NKAIN2: variants seen among roughly 807,000 people sequenced by gnomAD.
NKAIN2 encodes sodium/potassium-transporting ATPase subunit beta-1-interacting protein 2.
In NKAIN2, 14 loss-of-function variants were observed where a neutral mutation model predicts 32.6. The ratio of observed to expected loss-of-function variants is 0.43; its 90% CI spans 0.28 to 0.67. The LOEUF (loss-of-function observed/expected upper bound fraction) is 0.67. Ranked by LOEUF, NKAIN2 falls within the 30% of genes least tolerant of loss-of-function variation. The pLI, the probability that NKAIN2 is intolerant of heterozygous loss-of-function variation, is 0.17. For synonymous variants in NKAIN2, 80 were observed against 87.2 expected (o/e 0.92, Z 0.46); for missense variants, 198 against 258.3 (o/e 0.77, Z 1.60).
At chr6:124,689,214 T>G (rs373267060) in intron 4 of NKAIN2, among the ~76,000 whole-genome samples, 2 of 151,982 alleles carry the variant, frequency 1.3e-5, no homozygotes, top group South Asian at 4.1e-4. Context: ...TCAGCCTACA[T>G]CTCCCTGATG....
chr6:124,554,243 C>T (rs551652894), intron 3 of NKAIN2, among the ~76,000 whole-genome samples: 48 of 152,226 alleles, frequency 3.2e-4, no homozygotes, highest in Non-Finnish European at 5.1e-4. Flanking sequence ...GGCAGACACA[C>T]TGAGAATCAA....
chr6:124,129,431 T>A (rs1457046099), intron 1 of NKAIN2, among the ~76,000 whole-genome samples: 1 of 152,172 alleles, frequency 6.6e-6, no homozygotes, highest in Admixed American at 6.5e-5. Context: ...TTTGAAAACA[T>A]TAAATGCAAA....
chr6:124,305,031 T>G (rs1211574827), intron 2 of NKAIN2, among the ~76,000 whole-genome samples: 4 of 152,018 alleles, frequency 2.6e-5, no homozygotes, highest in African/African-American at 9.7e-5. Flanking sequence ...GAATCCGAGA[T>G]GATGAAGGAT....
At chr6:124,664,041 G>A (rs1479957930) in intron 4 of NKAIN2, among the ~76,000 whole-genome samples, 1 of 152,108 alleles carries the variant, frequency 6.6e-6, no homozygotes, top group African/African-American at 2.4e-5. Flanking sequence ...TTGGGAGGCT[G>A]AGGAGGGTGG....
chr6:124,459,985 T>C (rs1776470036), intron 3 of NKAIN2, among the ~76,000 whole-genome samples: 2 of 151,902 alleles, frequency 1.3e-5, no homozygotes, highest in African/African-American at 2.4e-5. Flanking sequence ...ATTGGATTCA[T>C]GTTTCTTAAT....
chr6:124,439,379 G>T (rs781055942), intron 3 of NKAIN2, among the ~76,000 whole-genome samples: 1 of 150,262 alleles, frequency 6.7e-6, no homozygotes. Flanking sequence ...TTATCTCCAT[G>T]AAACACTCTC....
chr6:123,853,803 A>G (rs752964841), intron 1 of NKAIN2, among the ~76,000 whole-genome samples: 1 of 149,560 alleles, frequency 6.7e-6, no homozygotes, highest in Non-Finnish European at 1.5e-5. Context: ...ATAGAATTTC[A>G]CTCTTGTTGC....
intron 2 of NKAIN2, among the ~76,000 whole-genome samples, chr6:124,330,511 C>A (rs1214629402): frequency 6.6e-6 from 1 of 152,158 alleles, no homozygotes; most frequent in Non-Finnish European, 1.5e-5. Flanking sequence ...CTTGTACCTC[C>A]ACATCAACCA....
chr6:123,833,679 T>G (rs2114918565), intron 1 of NKAIN2, among the ~76,000 whole-genome samples: 1 of 146,476 alleles, frequency 6.8e-6, no homozygotes, highest in African/African-American at 2.6e-5. Context: ...AAGCAAAAGG[T>G]AATTTTTTTT....
At chr6:124,740,140 T>A (rs1405546186) in intron 4 of NKAIN2, among the ~76,000 whole-genome samples, 1 of 151,774 alleles carries the variant, frequency 6.6e-6, no homozygotes, top group Non-Finnish European at 1.5e-5. Context: ...TTTTTTTTTT[T>A]CTTTCCATCA....
At chr6:124,563,996 T>G (rs1780803832) in intron 3 of NKAIN2, among the ~76,000 whole-genome samples, 1 of 152,132 alleles carries the variant, frequency 6.6e-6, no homozygotes. Context: ...GGGTGGAGAC[T>G]TTAGCATGGT....
chr6:123,916,769 TTATCTATG>T (rs1018177892), intron 1 of NKAIN2, among the ~76,000 whole-genome samples: 7 of 151,490 alleles, frequency 4.6e-5, no homozygotes, highest in South Asian at 2.1e-4. Flanking sequence ...TGTATCTATC[TTATCTATG>T]TATCTATGTA....
At chr6:124,040,310 C>A (rs1384077534) in intron 1 of NKAIN2, among the ~76,000 whole-genome samples, 1 of 151,602 alleles carries the variant, frequency 6.6e-6, no homozygotes, top group Non-Finnish European at 1.5e-5. Flanking sequence ...TTGTGTCTTT[C>A]TTCTGTTTTC....
chr6:123,880,930 G>C (rs549162979), intron 1 of NKAIN2, among the ~76,000 whole-genome samples: 1 of 152,278 alleles, frequency 6.6e-6, no homozygotes, highest in African/African-American at 2.4e-5. Flanking sequence ...TGAATGAAAA[G>C]AATTAGCAAA....
intron 1 of NKAIN2, among the ~76,000 whole-genome samples, chr6:124,234,274 T>C (rs964414588): frequency 1.3e-5 from 2 of 152,196 alleles, no homozygotes; most frequent in Admixed American, 1.3e-4. Context: ...CCTAAAATAC[T>C]ATTTCTTTCA....
chr6:123,998,344 A>G (rs1779720021), intron 1 of NKAIN2, among the ~76,000 whole-genome samples: 2 of 152,162 alleles, frequency 1.3e-5, no homozygotes, highest in African/African-American at 4.8e-5. Flanking sequence ...ACTATTTTAA[A>G]TAATAATTAT....
chr6:124,779,894 A>G (rs185260380), intron 4 of NKAIN2, among the ~76,000 whole-genome samples: 1 of 152,240 alleles, frequency 6.6e-6, no homozygotes, highest in Non-Finnish European at 1.5e-5. Context: ...CACAATGAGC[A>G]AAAATGAATG....
intron 1 of NKAIN2, among the ~76,000 whole-genome samples, chr6:123,907,961 A>C (rs1023329725): frequency 1.1e-4 from 16 of 152,204 alleles, no homozygotes; most frequent in Non-Finnish European, 2.1e-4. Context: ...TGTTTTACTC[A>C]GACCAAATTT....
intron 3 of NKAIN2, among the ~76,000 whole-genome samples, chr6:124,510,766 A>G (rs934907227): frequency 1.3e-5 from 2 of 152,148 alleles, no homozygotes; most frequent in East Asian, 1.9e-4. Context: ...AATTATTTTT[A>G]TCTGGCTACT....
Sources: gnomAD v4.1 joint callset for allele counts (sites outside exome capture counted in the v4.1 genomes callset) on GRCh38, gnomAD v4.1.1 for gene constraint, MANE v1.5 for transcripts, NCBI Gene and HGNC (gene_info 2026-07-23, HGNC 2026-07-21) for gene names.